Variants in ZBTB17 observed in about 807,000 individuals in gnomAD.
ZBTB17 encodes the protein zinc finger and BTB domain containing 17.
Under a neutral mutation model 85.1 loss-of-function variants are expected in ZBTB17, and 24 were observed. That is an observed-to-expected ratio of 0.28 (90% CI 0.20 to 0.40). ZBTB17 has a LOEUF of 0.40. Among genes scored for constraint, ZBTB17 ranks in the 10% least tolerant of loss-of-function variants. ZBTB17 has a pLI of 1.00. For missense variants in ZBTB17, 743 were observed against 1,105.1 expected (o/e 0.67, Z 4.65); for synonymous variants, 464 against 460.2 (o/e 1.01, Z -0.11).
rs748584915 is a variant in ZBTB17 at position 15,951,261 on chromosome 1, A to G, written c.-2-2764T>C. Among the ~76,000 whole-genome samples the G allele has an allele frequency of 1.0e-4, 15 of 149,466 alleles. No homozygotes were observed. Among genetic ancestry groups the G allele is most frequent in the Non-Finnish European group, 2.2e-4 (15 of 67,220 alleles). The stretch of plus-strand genomic sequence containing the variant: ...GAGAAATGATAAGAAGGGGGGAGGA[A>G]GAAGTGAAGATGGGCAAAGTAAGGG... On this transcript the variant is annotated intron_variant, in intron 2 of 15. Transcript: ENST00000375743. This position sits in a 1 kb window ranked among gnomAD's most constrained non-coding sequence, Gnocchi z 4.1.
In ZBTB17 at chr1:15,944,967, C is replaced by G; in HGVS notation, c.897G>C (p.Lys299Asn). ...SGTYGDRTESKAYGSVIHKCE... is the reference protein window; with the variant it reads ...SGTYGDRTESNAYGSVIHKCE... ...ACTTGTGGATGACGGAGCCGTAGGC[C>G]TTGGACTCCGTGCGGTCGCCGTAGG... Residue 299 changes from lysine to asparagine, a missense_variant, in exon 7 of 16, where the codon AAG becomes AAC. This residue lies in a region of ZBTB17 where 279 missense variants were observed against 269.9 expected (regional missense o/e 1.03). Coordinates refer to ENST00000375743, the MANE Select transcript of ZBTB17 (RefSeq NM_003443.3). 6.3e-7 allele frequency: 1 copy of G among 1,583,562 alleles called. No homozygotes were observed. Among genetic ancestry groups the G allele is most frequent in the Non-Finnish European group, 8.6e-7 (1 of 1,167,910 alleles).
At chr1:15,948,265 G>A (rs2071695171) in intron 3 of ZBTB17, 26 bp downstream of exon 3, 1 of 1,612,988 alleles carries the variant, frequency 6.2e-7, no homozygotes, top group African/African-American at 1.3e-5. Flanking sequence ...CTATCAGCAA[G>A]CTCAGCCCCA....
chr1:15,953,591 C>T lies in ZBTB17; in HGVS notation c.-2-5094G>A, dbSNP rs1205484944. ...AAGCACCACAGACTGCTGAGTAAGC[C>T]AGGTTTCTGTTTGGGCCGTGAAATC... On this transcript the variant is annotated intron_variant, in intron 2 of 15. Coordinates refer to ENST00000375743, the MANE Select transcript of ZBTB17 (RefSeq NM_003443.3). This position sits in a 1 kb window ranked among gnomAD's most constrained non-coding sequence, Gnocchi z 5.1. Among the ~76,000 whole-genome samples, 1 of 152,180 alleles carries T rather than the reference C, an allele frequency of 6.6e-6. No individual in the cohort carries two copies. Among genetic ancestry groups the T allele is most frequent in the African/African-American group, 2.4e-5 (1 of 41,448 alleles).
At position 15,951,362 on chromosome 1, in the gene ZBTB17, T is replaced by G. The variant is rs1465813915; in HGVS notation, c.-2-2865A>C. Among the ~76,000 whole-genome samples the G allele has an allele frequency of 1.3e-5, 2 of 150,652 alleles. No homozygotes were observed. Among genetic ancestry groups the G allele is most frequent in the Admixed American group, 6.6e-5 (1 of 15,136 alleles). On this transcript the variant is annotated intron_variant, in intron 2 of 15. Transcript: ENST00000375743. This position sits in a 1 kb window ranked among gnomAD's most constrained non-coding sequence, Gnocchi z 4.1. ...GAGGGGCCCTGTACCCACAGAGAGATCAGCAGCAGCTGAAATGCGCTTACC... is the reference window on the plus strand; with the variant it reads ...GAGGGGCCCTGTACCCACAGAGAGAGCAGCAGCAGCTGAAATGCGCTTACC...
chr1:15,965,593 A>C (rs1175117558), intron 2 of ZBTB17, among the ~76,000 whole-genome samples: 1 of 152,244 alleles, frequency 6.6e-6, no homozygotes, highest in Non-Finnish European at 1.5e-5. Flanking sequence ...CAGTCCCTGG[A>C]GAGGCTGTGC....
intron 1 of ZBTB17, among the ~76,000 whole-genome samples, chr1:15,974,866 G>A (rs971181317): frequency 2.0e-5 from 3 of 152,184 alleles, no homozygotes; most frequent in Admixed American, 1.3e-4. Context: ...GTGAGACAAC[G>A]AGCCCGGCCC....
rs1043335462 is a variant in ZBTB17 at position 15,969,959 on chromosome 1, G to A, written c.-3+3080C>T. 4 of 805,440 alleles carry A rather than the reference G, an allele frequency of 5.0e-6. No individual in the cohort carries two copies. The Admixed American group carries it at 8.3e-5, about 17-fold the overall frequency. The allele number at this position is 805,440 out of a possible 1,614,324, so 49.9% of individuals were successfully genotyped here. A position where few individuals can be genotyped will look rare whatever the true frequency, so the allele number is the denominator to read the frequency against. On this transcript the variant is annotated intron_variant, in intron 2 of 15. Transcript: ENST00000375743. Reference sequence around the variant, plus strand: ...ATTGATTGTCACATGTGGTTTGCTGGTGGCTTCCCACTGGGGAAGAGAAGC... The same window carrying A: ...ATTGATTGTCACATGTGGTTTGCTGATGGCTTCCCACTGGGGAAGAGAAGC...
chr1:15,945,554 C>CA (rs2071562501), intron 6 of ZBTB17, among the ~76,000 whole-genome samples, 161 bp downstream of exon 6: 4 of 152,184 alleles, frequency 2.6e-5, no homozygotes, highest in Admixed American at 2.6e-4. Flanking sequence ...CCTCGAGACT[C>CA]AAGAACATGC....
chr1:15,968,301 C>T (rs2072517101), intron 2 of ZBTB17, among the ~76,000 whole-genome samples: 1 of 152,178 alleles, frequency 6.6e-6, no homozygotes, highest in Non-Finnish European at 1.5e-5. Context: ...AATGCCAGTT[C>T]CTCCTCAGCC....
intron 2 of ZBTB17, among the ~76,000 whole-genome samples, chr1:15,968,398 T>C (rs972305669): frequency 1.3e-5 from 2 of 152,138 alleles, no homozygotes; most frequent in African/African-American, 4.8e-5. Context: ...AGTACCAGGA[T>C]AAATAAGACC....
chr1:15,969,025 C>T lies in ZBTB17; in HGVS notation c.-3+4014G>A, dbSNP rs546294785. The stretch of plus-strand genomic sequence containing the variant: ...GCGGGCGAGTGAGCACGCAAGTGAG[C>T]GAAGCTTCAACCTGTATTTACAGCC... On this transcript the variant is annotated intron_variant, in intron 2 of 15. Coordinates refer to ENST00000375743, the MANE Select transcript of ZBTB17 (RefSeq NM_003443.3). Among the ~76,000 whole-genome samples the T allele has an allele frequency of 3.3e-5, 5 of 152,332 alleles. No homozygotes were observed. The South Asian group carries it at 6.2e-4, about 19-fold the overall frequency.
At chr1:15,944,205 G>A (rs1389395582) in intron 9 of ZBTB17, 95 bp downstream of exon 9, 4 of 1,488,494 alleles carry the variant, frequency 2.7e-6, no homozygotes, top group Non-Finnish European at 2.7e-6. Flanking sequence ...CCTGGAGGCC[G>A]GGGCTGTGCT....
In ZBTB17 at chr1:15,946,784, C is replaced by T. The variant is rs527615961; in HGVS notation, c.394+151G>A. On this transcript the variant is annotated intron_variant, in intron 4 of 15. Transcript: ENST00000375743. ...TGTAGGGGAAAGGCAGGCAGAGAGG[C>T]CACCCTCAGACCTGAGGCTAACCCT... The T allele has an allele frequency of 1.1e-4, 111 of 1,009,600 alleles. 1 individual carries two copies. In the Middle Eastern group the frequency reaches 5.2e-3, roughly 47 times the overall value. 62.5% of individuals were successfully genotyped at this position (1,009,600 alleles called of 1,614,324 possible). A position where few individuals can be genotyped will look rare whatever the true frequency, so the allele number is the denominator to read the frequency against.
Position 15,953,347 on chromosome 1 carries a change from T to C in ZBTB17, c.-2-4850A>G, listed in dbSNP as rs2148781546. ...AAATTTTAATAAGAAAAAAGTGAGGTTCAGTTGCCAGACTTGATCCAGTCA... is the reference window on the plus strand; with the variant it reads ...AAATTTTAATAAGAAAAAAGTGAGGCTCAGTTGCCAGACTTGATCCAGTCA... On this transcript the variant is annotated intron_variant, in intron 2 of 15. Transcript: ENST00000375743. This position sits in a 1 kb window ranked among gnomAD's most constrained non-coding sequence, Gnocchi z 5.1. Among the ~76,000 whole-genome samples the C allele has an allele frequency of 6.6e-6, 1 of 152,148 alleles. No individual in the cohort carries two copies. The highest frequency in any genetic ancestry group is 2.1e-4 in the South Asian group (1 of 4,826).
chr1:15,957,013 T>C (rs2072067303), intron 2 of ZBTB17, among the ~76,000 whole-genome samples: 1 of 151,918 alleles, frequency 6.6e-6, no homozygotes, highest in African/African-American at 2.4e-5. Flanking sequence ...ACCCCATCTC[T>C]ACTAAAAATA....
rs1233592423 is a variant in ZBTB17, at chr1:15,943,582, G to A, written c.1576+17C>T. 1 of 1,612,872 alleles carries A rather than the reference G, an allele frequency of 6.2e-7. No individual in the cohort carries two copies. The highest frequency in any genetic ancestry group is 8.5e-7 in the Non-Finnish European group (1 of 1,179,920). On this transcript the variant is annotated intron_variant, in intron 11 of 15. Transcript: ENST00000375743. ...TCCGTGCCCTCCCAGTCCTGGGCAT[G>A]GCCGCTCACCACCCACCTGTGTGAA...
At position 15,946,946 on chromosome 1, in the gene ZBTB17, A is replaced by C. The variant is rs2071633248; in HGVS notation, c.383T>G (p.Leu128Trp). The C allele has an allele frequency of 6.2e-7, 1 of 1,610,220 alleles. No individual in the cohort carries two copies. Among genetic ancestry groups the C allele is most frequent in the Non-Finnish European group, 8.5e-7 (1 of 1,176,796 alleles). The part of the protein sequence containing the change: ...ATSPGGNAEA[L>W]ATEGGDKRAK... ...TGCCAATAACCTACCTTCTGTGGCC[A>C]AGGCCTCCGCATTTCCCCCAGGGCT... Residue 128 changes from leucine to tryptophan, a missense_variant, in exon 4 of 16, where the codon TTG becomes TGG. By Grantham distance (61) the Leu-to-Trp change is moderately conservative. Around this residue, in one of 4 missense-constraint regions of ZBTB17, gnomAD observed 279 missense variants for 269.9 expected, o/e 1.03. Transcript: ENST00000375743.
chr1:15,944,246 C>T lies in ZBTB17; in HGVS notation c.1371+54G>A, dbSNP rs1476204991. 5.8e-6 allele frequency: 9 copies of T among 1,543,580 alleles called. No homozygotes were observed. In the East Asian group the frequency reaches 7.3e-5, roughly 13 times the overall value. ...CCCGCCCCACCACGTGGCATGCATGCGGCTGCGGCCACCGGCGGCTGCCAG... is the reference window on the plus strand; with the variant it reads ...CCCGCCCCACCACGTGGCATGCATGTGGCTGCGGCCACCGGCGGCTGCCAG... On this transcript the variant is annotated intron_variant, in intron 9 of 15. Coordinates refer to ENST00000375743, the MANE Select transcript of ZBTB17 (RefSeq NM_003443.3).
chr1:15,944,026 G>A, intron 9 of ZBTB17, 131 bp from the exon 10 acceptor site: 1 of 1,003,732 alleles, frequency 1.0e-6, no homozygotes, highest in Non-Finnish European at 1.5e-6. Context: ...ATCTCTCCTG[G>A]GTCAGGAGAG....
Sources: allele counts gnomAD v4.1 joint callset (sites outside exome capture counted in the v4.1 genomes callset), GRCh38; gene constraint gnomAD v4.1.1; regional missense constraint gnomAD v4.1.1; non-coding constraint Gnocchi (gnomAD v3.1); transcripts MANE v1.5; gene names NCBI Gene and HGNC (gene_info 2026-07-23, HGNC 2026-07-21).